The following CNTN4 variants were observed in gnomAD, a reference collection of about 807,000 sequenced individuals.
CNTN4 encodes contactin-4.
In CNTN4, 77 loss-of-function variants were observed where a neutral mutation model predicts 122.5. The ratio of observed to expected loss-of-function variants is 0.63; its 90% confidence interval spans 0.52 to 0.76. CNTN4 has a LOEUF of 0.76. CNTN4 is among the 30% of genes least tolerant of loss of function. The pLI, the probability that CNTN4 is intolerant of heterozygous loss-of-function variation, is 0.00. For missense variants in CNTN4, 1,256 were observed against 1,259.1 expected (o/e 1.00, Z 0.04); for synonymous variants, 512 against 447.0 (o/e 1.15, Z -1.83).
intron 23 of CNTN4, among the ~76,000 whole-genome samples, chr3:3,047,972 G>A (rs1021294391): frequency 6.6e-5 from 10 of 152,132 alleles, no homozygotes; most frequent in Non-Finnish European, 1.2e-4. Context: ...GTGGGTAACA[G>A]GGTTAGACCA....
At chr3:2,604,270 C>A (rs1478995236) in intron 4 of CNTN4, among the ~76,000 whole-genome samples, 1 of 152,096 alleles carries the variant, frequency 6.6e-6, no homozygotes, top group Non-Finnish European at 1.5e-5. Context: ...TGGAGGATTT[C>A]CCTGACTTGA....
intron 2 of CNTN4, among the ~76,000 whole-genome samples, chr3:2,193,918 T>C (rs192227922): frequency 3.9e-5 from 6 of 152,288 alleles, no homozygotes; most frequent in Admixed American, 6.5e-5. Context: ...GTAGGCTATA[T>C]CATTTAGGTT....
intron 2 of CNTN4, among the ~76,000 whole-genome samples, chr3:2,223,168 G>A (rs1312450333): frequency 6.6e-6 from 1 of 152,154 alleles, no homozygotes; most frequent in Admixed American, 6.5e-5. Flanking sequence ...CACCAAAGGG[G>A]AATGGAGAGC....
At chr3:2,892,794 C>G (rs2094058682) in intron 10 of CNTN4, among the ~76,000 whole-genome samples, 1 of 152,162 alleles carries the variant, frequency 6.6e-6, no homozygotes. Flanking sequence ...CTGTATTTCA[C>G]AGAATCCAGT....
chr3:2,347,316 G>C (rs116375055), intron 3 of CNTN4, among the ~76,000 whole-genome samples: 2 of 149,458 alleles, frequency 1.3e-5, no homozygotes, highest in Non-Finnish European at 3.0e-5. Context: ...GGCTCAGAAA[G>C]CTTCCTCCCG....
chr3:2,138,737 T>G (rs2125321485), intron 2 of CNTN4, among the ~76,000 whole-genome samples: 1 of 152,314 alleles, frequency 6.6e-6, no homozygotes, highest in Admixed American at 6.5e-5. Flanking sequence ...GCCTTCAGAC[T>G]TGAACTGGAA....
At chr3:2,535,423 T>C (rs150161187) in intron 3 of CNTN4, among the ~76,000 whole-genome samples, 125 of 152,314 alleles carry the variant, frequency 8.2e-4, no homozygotes, top group African/African-American at 2.9e-3. Context: ...TTCTGTGTTT[T>C]TTCTAATACT....
intron 4 of CNTN4, among the ~76,000 whole-genome samples, chr3:2,630,764 G>A (rs1458944682): frequency 6.6e-6 from 1 of 151,312 alleles, no homozygotes; most frequent in East Asian, 1.9e-4. Context: ...AGGAATACTA[G>A]GATTTGTTGA....
intron 4 of CNTN4, among the ~76,000 whole-genome samples, chr3:2,610,966 C>T (rs1299471722): frequency 2.6e-5 from 4 of 151,994 alleles, no homozygotes; most frequent in African/African-American, 7.3e-5. Flanking sequence ...AAATAATTTT[C>T]CCTTTTTTGC....
intron 4 of CNTN4, among the ~76,000 whole-genome samples, chr3:2,679,360 C>T (rs2085042962): frequency 6.6e-6 from 1 of 152,060 alleles, no homozygotes; most frequent in Non-Finnish European, 1.5e-5. Context: ...GCAGCTCGTA[C>T]TGAATAGGGC....
intron 4 of CNTN4, among the ~76,000 whole-genome samples, chr3:2,584,361 G>A (rs2080083027): frequency 6.6e-6 from 1 of 152,066 alleles, no homozygotes; most frequent in Non-Finnish European, 1.5e-5. Context: ...CTTCCAAGTA[G>A]GAGGGTCAAA....
At chr3:2,275,242 T>G (rs937608662) in intron 2 of CNTN4, among the ~76,000 whole-genome samples, 3 of 152,244 alleles carry the variant, frequency 2.0e-5, no homozygotes, top group African/African-American at 7.2e-5. Context: ...CAGTGAGCAC[T>G]CTTTTCATGT....
chr3:2,704,296 CAAAAAAAAAAAAA>C (rs151155380), intron 4 of CNTN4, among the ~76,000 whole-genome samples: 5 of 69,510 alleles, frequency 7.2e-5, no homozygotes, highest in African/African-American at 1.7e-4. Context: ...GACTTCATTT[CAAAAAAAAAAAAA>C]AAAAAAAAAA....
At chr3:2,295,843 T>G (rs2042292500) in intron 2 of CNTN4, among the ~76,000 whole-genome samples, 2 of 152,202 alleles carry the variant, frequency 1.3e-5, no homozygotes, top group Non-Finnish European at 2.9e-5. Flanking sequence ...CCATCTTGAA[T>G]TAATTTTTGA....
intron 3 of CNTN4, among the ~76,000 whole-genome samples, chr3:2,353,564 G>A (rs1459568985): frequency 6.6e-6 from 1 of 152,006 alleles, no homozygotes; most frequent in African/African-American, 2.4e-5. Context: ...TGAGGCCAGC[G>A]AGACCACGAA....
At chr3:2,643,978 T>A (rs2083008471) in intron 4 of CNTN4, among the ~76,000 whole-genome samples, 1 of 152,184 alleles carries the variant, frequency 6.6e-6, no homozygotes, top group Non-Finnish European at 1.5e-5. Context: ...GTCTTCCATT[T>A]TACTCAGATT....
rs1553606676 is a variant in CNTN4, at chr3:2,238,744, T to TTCTC, written c.-144-100433_-144-100432insCTCT. 3.8e-5 allele frequency: 3 copies of TTCTC among 79,474 alleles called. 1 individual carries two copies. Among genetic ancestry groups the TTCTC allele is most frequent in the Non-Finnish European group, 8.9e-5 (3 of 33,668 alleles). 4.9% of individuals were successfully genotyped at this position (79,474 alleles called of 1,614,324 possible). ...TATCAGTTGGCTCTGTGTTTTTTTT[T>TTCTC]TGAGACGGAGTCTGGCCCTGTCGCC... On this transcript the variant is annotated intron_variant, in intron 2 of 24. Coordinates refer to ENST00000418658, the MANE Select transcript of CNTN4 (RefSeq NM_175607.3).
intron 2 of CNTN4, among the ~76,000 whole-genome samples, chr3:2,173,781 A>G (rs933375177): frequency 6.6e-6 from 1 of 152,224 alleles, no homozygotes; most frequent in African/African-American, 2.4e-5. Flanking sequence ...TAAGAATTAA[A>G]TCTAAAATCC....
chr3:2,138,452 C>T (rs1207666853), intron 2 of CNTN4, among the ~76,000 whole-genome samples: 1 of 152,072 alleles, frequency 6.6e-6, no homozygotes, highest in Admixed American at 6.6e-5. Context: ...AATTTTAGGT[C>T]AACTTGACTG....
Sources: allele counts gnomAD v4.1 joint callset (sites outside exome capture counted in the v4.1 genomes callset), GRCh38; gene constraint gnomAD v4.1.1; transcripts MANE v1.5; gene names NCBI Gene and HGNC (gene_info 2026-07-23, HGNC 2026-07-21).